The following FAT1 variants were observed in gnomAD, a reference collection of about 807,000 sequenced individuals.
FAT1 encodes the protein FAT atypical cadherin 1, also known as protocadherin Fat 1.
A neutral mutation model predicts 329.8 loss-of-function variants in FAT1; 171 were observed. The ratio of observed to expected loss-of-function variants is 0.52; its 90% confidence interval spans 0.46 to 0.59. The LOEUF is 0.59. FAT1 is among the 20% of genes least tolerant of loss of function. The pLI is 0.00. For synonymous variants in FAT1, 2,233 were observed against 2,228.6 expected (o/e 1.00, Z -0.06); for missense variants, 5,672 against 5,774.4 (o/e 0.98, Z 0.57).
intron 2 of FAT1, among the ~76,000 whole-genome samples, chr4:186,698,877 C>A (rs530944454): frequency 6.6e-6 from 1 of 152,234 alleles, no homozygotes; most frequent in African/African-American, 2.4e-5. Flanking sequence ...TGCCTCCTAA[C>A]GCATCACACC....
At chr4:186,629,482 G>C (rs1353685283) in intron 7 of FAT1, among the ~76,000 whole-genome samples, 1 of 152,144 alleles carries the variant, frequency 6.6e-6, no homozygotes, top group Non-Finnish European at 1.5e-5. Context: ...ACAAAACTTT[G>C]ACAGTAAGAG....
intron 12 of FAT1, among the ~76,000 whole-genome samples, chr4:186,613,626 A>C (rs1271932494): frequency 6.6e-6 from 1 of 152,206 alleles, no homozygotes; most frequent in African/African-American, 2.4e-5. Context: ...AATTTACCAA[A>C]ATTTAAAAAA....
chr4:186,619,985 CAGGGCT>C lies in FAT1; in HGVS notation c.6595_6600del (p.Ser2199_Pro2200del). Reference sequence around the variant, plus strand: ...GGGCTGTTAGCCTGCACGTGGACCACAGGGCTGTGCACCTGGATGCTCTCTGCAATC... The same window carrying C: ...GGGCTGTTAGCCTGCACGTGGACCACGTGCACCTGGATGCTCTCTGCAATC... On this transcript the variant is annotated inframe_deletion, in exon 10 of 27. Transcript: ENST00000441802. 6.2e-7 allele frequency: 1 copy of C among 1,613,998 alleles called. No homozygotes were observed. The highest frequency in any genetic ancestry group is 8.5e-7 in the Non-Finnish European group (1 of 1,179,880).
At position 186,707,456 on chromosome 4, in the gene FAT1, T is replaced by G. The variant is rs867200806; in HGVS notation, c.2372A>C (p.Asn791Thr). 6.2e-7 allele frequency: 1 copy of G among 1,614,004 alleles called. No homozygotes were observed. Among genetic ancestry groups the G allele is most frequent in the Middle Eastern group, 1.6e-4 (1 of 6,062 alleles). The change falls in exon 2 of 27, where the codon AAT becomes ACT. Residue 791 changes from asparagine to threonine, a missense_variant. This residue lies in a region of FAT1 where 3,966 missense variants were observed against 3,915.2 expected (regional missense o/e 1.01). Coordinates refer to ENST00000441802, the MANE Select transcript of FAT1 (RefSeq NM_005245.4). ...DRETTDKYTL[N>T]ITVYDLGIPQ... ...TATCCCAAGGTCATAGACGGTAATA[T>G]TCAGGGTGTATTTGTCTGTTGTTTC... is the stretch of plus-strand genomic sequence containing the variant.
Position 186,617,992 on chromosome 4 carries a change from T to C in FAT1, c.8594A>G (p.Glu2865Gly), listed in dbSNP as rs1337051295. Residue 2865 changes from glutamate (E) to glycine (G), a missense_variant, in exon 10 of 27, where the codon GAA (glutamate) becomes GGA (glycine). Around this residue, in one of 2 missense-constraint regions of FAT1, gnomAD observed 3,966 missense variants for 3,915.2 expected, o/e 1.01. Coordinates refer to ENST00000441802, the MANE Select transcript of FAT1 (RefSeq NM_005245.4). ...CTTTAAAGTTGTAATCCAGCCTGTT[T>C]CCATGTTAATGGCAAAGGATTCAAT... ...EVIESFAINM[E>G]TGWITTLKEL... 1.9e-6 allele frequency: 3 copies of C among 1,613,958 alleles called. No homozygotes were observed. Among genetic ancestry groups the C allele is most frequent in the Non-Finnish European group, 1.7e-6 (2 of 1,179,908 alleles).
At chr4:186,670,812 G>C (rs993549456) in intron 2 of FAT1, among the ~76,000 whole-genome samples, 1 of 152,140 alleles carries the variant, frequency 6.6e-6, no homozygotes, top group African/African-American at 2.4e-5. Context: ...ACAGTCGCAG[G>C]CAAGAGGAGA....
At chr4:186,699,753 C>T (rs769963221) in intron 2 of FAT1, among the ~76,000 whole-genome samples, 6 of 149,118 alleles carry the variant, frequency 4.0e-5, no homozygotes, top group African/African-American at 9.8e-5. Context: ...AAAACACACA[C>T]TAATAAATAA....
chr4:186,621,185 T>C lies in FAT1; in HGVS notation c.5401A>G (p.Lys1801Glu), dbSNP rs374828272. 18 of 1,613,910 alleles carry C rather than the reference T, an allele frequency of 1.1e-5. No homozygotes were observed. Among genetic ancestry groups the C allele is most frequent in the Non-Finnish European group, 1.5e-5 (18 of 1,179,898 alleles). Residue 1801 changes from lysine (K) to glutamate (E), a missense_variant, in exon 10 of 27, where the codon AAA becomes GAA. Coordinates refer to ENST00000441802, the MANE Select transcript of FAT1 (RefSeq NM_005245.4). ...TATACAAGCAAAGCATTTGAGTCTTTATCAGCATCAGCTGCTCGAATCACC... is the reference window on the plus strand; with the variant it reads ...TATACAAGCAAAGCATTTGAGTCTTCATCAGCATCAGCTGCTCGAATCACC... ...PLVIRAADAD[K>E]DSNALLVYHI... is the part of the protein sequence containing the mutation.
intron 2 of FAT1, among the ~76,000 whole-genome samples, chr4:186,676,331 G>A (rs1404104232): frequency 1.3e-5 from 2 of 150,744 alleles, no homozygotes; most frequent in Non-Finnish European, 2.9e-5. Context: ...GAAAAATGGC[G>A]AGTTATACGG....
intron 2 of FAT1, among the ~76,000 whole-genome samples, chr4:186,700,192 G>A (rs1744237314): frequency 6.6e-6 from 1 of 152,178 alleles, no homozygotes; most frequent in Non-Finnish European, 1.5e-5. Context: ...TGGCGTGCAG[G>A]CCTGAAAGCT....
chr4:186,633,538 TA>T (rs2126555399), intron 7 of FAT1, 145 bp downstream of exon 7: 2 of 738,792 alleles, frequency 2.7e-6, no homozygotes, highest in African/African-American at 1.7e-5. Flanking sequence ...TTTCCCTAAA[TA>T]AAAATTCTTA....
chr4:186,677,551 G>A (rs1189961147), intron 2 of FAT1, among the ~76,000 whole-genome samples: 1 of 151,352 alleles, frequency 6.6e-6, no homozygotes, highest in Non-Finnish European at 1.5e-5. Flanking sequence ...TTTTATATAT[G>A]TTTTGAAATC....
At chr4:186,659,198 T>C (rs1742051830) in intron 3 of FAT1, among the ~76,000 whole-genome samples, 1 of 152,184 alleles carries the variant, frequency 6.6e-6, no homozygotes, top group Non-Finnish European at 1.5e-5. Context: ...CCATACAGCC[T>C]GGGTGTGTAG....
chr4:186,691,608 C>A (rs1743766859), intron 2 of FAT1, among the ~76,000 whole-genome samples: 1 of 151,984 alleles, frequency 6.6e-6, no homozygotes, highest in Non-Finnish European at 1.5e-5. Flanking sequence ...AGTTCGAGAC[C>A]AGCCTGGGCA....
At chr4:186,669,426 G>C (rs539571502) in intron 2 of FAT1, among the ~76,000 whole-genome samples, 3 of 152,214 alleles carry the variant, frequency 2.0e-5, no homozygotes, top group African/African-American at 4.8e-5. Context: ...CGCTTGTTAC[G>C]TGTGCCACTC....
At chr4:186,652,476 A>AT (rs1433705406) in intron 3 of FAT1, among the ~76,000 whole-genome samples, 1 of 152,224 alleles carries the variant, frequency 6.6e-6, no homozygotes, top group Non-Finnish European at 1.5e-5. Context: ...ATCGGCAGAA[A>AT]TGTACTGAAT....
intron 2 of FAT1, among the ~76,000 whole-genome samples, chr4:186,681,969 T>C (rs1274027191): frequency 6.6e-6 from 1 of 152,198 alleles, no homozygotes; most frequent in Admixed American, 6.5e-5. Context: ...GATCTATAAG[T>C]AAAGACTAAC....
At chr4:186,721,264 A>G (rs750672381) in intron 1 of FAT1, among the ~76,000 whole-genome samples, 1 of 135,948 alleles carries the variant, frequency 7.4e-6, no homozygotes, top group African/African-American at 3.4e-5. Context: ...TAAAAAACTT[A>G]AAAGAGTGAA....
chr4:186,672,741 C>G (rs1191662401), intron 2 of FAT1, among the ~76,000 whole-genome samples: 1 of 152,212 alleles, frequency 6.6e-6, no homozygotes, highest in East Asian at 1.9e-4. Context: ...TAGTGGGGAA[C>G]TGGGATTCAA....
Sources: allele counts gnomAD v4.1 joint callset (sites outside exome capture counted in the v4.1 genomes callset), GRCh38; gene constraint gnomAD v4.1.1; regional missense constraint gnomAD v4.1.1; transcripts MANE v1.5; gene names NCBI Gene and HGNC (gene_info 2026-07-23, HGNC 2026-07-21).